Variants in HOTAIR observed in about 807,000 individuals in gnomAD.
HOTAIR encodes HOX transcript antisense RNA, also known as HOX transcript antisense RNA (non-protein coding).
At chr12:53,974,236 G>A (rs2136376421) in intron 1 of HOTAIR, among the ~76,000 whole-genome samples, 1 of 152,046 alleles carries the variant, frequency 6.6e-6, no homozygotes, top group South Asian at 2.1e-4. Context: ...ACCATTGCGG[G>A]CGATATTAAC....
intron 5 of HOTAIR, among the ~76,000 whole-genome samples, chr12:53,965,311 T>G (rs528255707): frequency 6.6e-6 from 1 of 152,356 alleles, no homozygotes; most frequent in African/African-American, 2.4e-5. Flanking sequence ...CCTGAGGCTT[T>G]GCTCTCAGTC....
intron 2 of HOTAIR, chr12:53,968,575 C>T (rs970657871): frequency 1.3e-5 from 2 of 152,334 alleles, no homozygotes; most frequent in Non-Finnish European, 2.9e-5. Context: ...GCAGAAGGCA[C>T]TTTCCTTGCT....
Position 53,973,554 on chromosome 12 carries a change from C to T in HOTAIR, n.59+1344G>A, listed in dbSNP as rs755901217. 1.9e-6 allele frequency: 3 copies of T among 1,613,182 alleles called. No homozygotes were observed. Among genetic ancestry groups the T allele is most frequent in the South Asian group, 1.1e-5 (1 of 91,072 alleles). On this transcript the variant is annotated intron_variant and non_coding_transcript_variant, in intron 1 of 6. Transcript: ENST00000424518. This position sits in a 1 kb window ranked among gnomAD's most constrained non-coding sequence, Gnocchi z 4.3. Reference sequence around the variant, plus strand: ...CGACGAGCTTATGCACCGGGAGTGCCTGCCTCCTTCCACCGTCACCGAGAT... The same window carrying T: ...CGACGAGCTTATGCACCGGGAGTGCTTGCCTCCTTCCACCGTCACCGAGAT...
exon 7 of HOTAIR, chr12:53,963,506 T>C (rs1296832719): frequency 6.6e-6 from 1 of 152,244 alleles, no homozygotes; most frequent in Non-Finnish European, 1.5e-5. Flanking sequence ...GCCCAACAGA[T>C]ATATTGTTTA....
intron 1 of HOTAIR, among the ~76,000 whole-genome samples, chr12:53,969,497 G>A (rs951300634): frequency 2.0e-5 from 3 of 152,234 alleles, no homozygotes; most frequent in Non-Finnish European, 4.4e-5. Flanking sequence ...GAGAAGAGGT[G>A]GAAGCCAGGA....
At position 53,973,506 on chromosome 12, in the gene HOTAIR, T is replaced by G; in HGVS notation, n.59+1392A>C. The stretch of plus-strand genomic sequence containing the variant: ...CGGCAAGTGGCACCATCGGAACAGC[T>G]ACTCCTCCTGCTATGCGGCGGCCGA... On this transcript the variant is annotated intron_variant and non_coding_transcript_variant, in intron 1 of 6. Transcript: ENST00000424518. This position sits in a 1 kb window ranked among gnomAD's most constrained non-coding sequence, Gnocchi z 4.3. 2 of 1,613,886 alleles carry G rather than the reference T, an allele frequency of 1.2e-6. No homozygotes were observed. Among genetic ancestry groups the G allele is most frequent in the Non-Finnish European group, 1.7e-6 (2 of 1,179,968 alleles).
intron 2 of HOTAIR, chr12:53,967,519 G>A (rs896519208): frequency 2.0e-5 from 3 of 152,248 alleles, no homozygotes; most frequent in African/African-American, 4.8e-5. Flanking sequence ...TGCCATAGAC[G>A]TTTAATCTGG....
chr12:53,969,112 G>C (rs577530205), intron 1 of HOTAIR, among the ~76,000 whole-genome samples: 48 of 152,332 alleles, frequency 3.2e-4, no homozygotes, highest in African/African-American at 1.1e-3. Context: ...AGATCTGGGT[G>C]GCCCAACAGG....
rs1254513611 is a variant in HOTAIR, at chr12:53,974,918, C to T, written n.39G>A. The T allele has an allele frequency of 8.1e-6, 4 of 494,126 alleles. No individual in the cohort carries two copies. In the East Asian group the frequency reaches 1.1e-4, roughly 14 times the overall value. The allele number at this position is 494,126 out of a possible 1,614,324, so 30.6% of individuals were successfully genotyped here. ...TGTACCTGGAGGGCTTTCCTTCTGT[C>T]CCAGACCCTGTCAGCCGCGGCTCTC... On this transcript the variant is annotated non_coding_transcript_exon_variant, in exon 1 of 7. Transcript: ENST00000424518.
chr12:53,971,682 G>T (rs527243229), intron 1 of HOTAIR, among the ~76,000 whole-genome samples: 6 of 152,236 alleles, frequency 3.9e-5, no homozygotes, highest in Non-Finnish European at 7.3e-5. Flanking sequence ...CAAACAAATT[G>T]TGCCCTGGCA....
chr12:53,964,969 A>G (rs1033876024), intron 5 of HOTAIR, among the ~76,000 whole-genome samples: 1 of 152,228 alleles, frequency 6.6e-6, no homozygotes, highest in African/African-American at 2.4e-5. Flanking sequence ...GTAAGGGGAT[A>G]ATAGATAATT....
Position 53,973,019 on chromosome 12 carries a change from T to C in HOTAIR, n.59+1879A>G. ...TGATTTTCATAATGTTTCTGCGGTG[T>C]TTGCAAACCAATCGCCTGAACGTCC... On this transcript the variant is annotated intron_variant and non_coding_transcript_variant, in intron 1 of 6. Coordinates refer to ENST00000424518, the Ensembl canonical transcript of HOTAIR. The surrounding 1 kb of genome is among the most constrained non-coding windows in gnomAD (Gnocchi z 4.3). The C allele has an allele frequency of 2.2e-6, 1 of 450,984 alleles. No individual in the cohort carries two copies. The highest frequency in any genetic ancestry group is 3.9e-6 in the Non-Finnish European group (1 of 256,860). 27.9% of individuals were successfully genotyped at this position (450,984 alleles called of 1,614,324 possible).
At chr12:53,963,445 A>C (rs1938990840) in exon 7 of HOTAIR, 1 of 152,208 alleles carries the variant, frequency 6.6e-6, no homozygotes, top group African/African-American at 2.4e-5. Context: ...AAAATCCAGA[A>C]CCCTCTGACA....
chr12:53,967,480 AC>A (rs1939075668), intron 2 of HOTAIR: 1 of 152,096 alleles, frequency 6.6e-6, no homozygotes, highest in Admixed American at 6.5e-5. Flanking sequence ...AGCAGCTCTG[AC>A]CCCAAGATCT....
Position 53,973,992 on chromosome 12 carries a change from G to C in HOTAIR, n.59+906C>G, listed in dbSNP as rs529341424. On this transcript the variant is annotated intron_variant and non_coding_transcript_variant, in intron 1 of 6. Coordinates refer to ENST00000424518, the Ensembl canonical transcript of HOTAIR. The surrounding 1 kb of genome is among the most constrained non-coding windows in gnomAD (Gnocchi z 4.3). ...AGCGAGAGAGGGAGGGCGAGAGAAG[G>C]GGGGAGGCAAGGGGAGCGGGGACGG... 8.5e-5 allele frequency: 115 copies of C among 1,345,304 alleles called. No homozygotes were observed. The highest frequency in any genetic ancestry group is 1.1e-4 in the Non-Finnish European group (110 of 1,020,828). 83.3% of individuals were successfully genotyped at this position (1,345,304 alleles called of 1,614,324 possible). A position where few individuals can be genotyped will look rare whatever the true frequency, so the allele number is the denominator to read the frequency against.
intron 1 of HOTAIR, among the ~76,000 whole-genome samples, chr12:53,971,504 G>A (rs577359777): frequency 1.2e-4 from 19 of 152,328 alleles, no homozygotes; most frequent in African/African-American, 4.6e-4. Flanking sequence ...TTTGGGAGCC[G>A]CAGCACCTTA....
intron 1 of HOTAIR, among the ~76,000 whole-genome samples, chr12:53,974,471 T>C (rs774974297): frequency 9.2e-5 from 14 of 151,802 alleles, no homozygotes; most frequent in Non-Finnish European, 1.5e-4. Context: ...GTTTTGAAAA[T>C]GTTCAAACTA....
Position 53,973,414 on chromosome 12 carries a change from A to G in HOTAIR, n.59+1484T>C, listed in dbSNP as rs1256562737. 1.9e-6 allele frequency: 3 copies of G among 1,614,080 alleles called. No homozygotes were observed. The South Asian group carries it at 3.3e-5, about 18-fold the overall frequency. Reference sequence around the variant, plus strand: ...TTCCTGCCCCAGGCCCCCTCTCGTCAGATCTCCTATCCCTACTCGGCCCAA... The same window carrying G: ...TTCCTGCCCCAGGCCCCCTCTCGTCGGATCTCCTATCCCTACTCGGCCCAA... On this transcript the variant is annotated intron_variant and non_coding_transcript_variant, in intron 1 of 6. Coordinates refer to ENST00000424518, the Ensembl canonical transcript of HOTAIR. This position sits in a 1 kb window ranked among gnomAD's most constrained non-coding sequence, Gnocchi z 4.3.
At chr12:53,962,742 T>C (rs1418216768) in exon 7 of HOTAIR, 1 of 152,086 alleles carries the variant, frequency 6.6e-6, no homozygotes, top group Non-Finnish European at 1.5e-5. Context: ...TATTTCTGTC[T>C]TTTAAATACC....
Sources: gnomAD v4.1 joint callset for allele counts (sites outside exome capture counted in the v4.1 genomes callset) on GRCh38, gnomAD v4.1.1 for gene constraint, Gnocchi (gnomAD v3.1) non-coding constraint, MANE v1.5 for transcripts, NCBI Gene and HGNC (gene_info 2026-07-23, HGNC 2026-07-21) for gene names.